COLEC12: variants seen among roughly 807,000 people sequenced by gnomAD.
The protein encoded by COLEC12 is collectin subfamily member 12.
Under a neutral mutation model 71.1 loss-of-function variants are expected in COLEC12, and 33 were observed. That is an observed-to-expected ratio of 0.46 (90% CI 0.35 to 0.62). The LOEUF (loss-of-function observed/expected upper bound fraction) is 0.62. Among genes scored for constraint, COLEC12 ranks in the 20% least tolerant of loss-of-function variants. The pLI, the probability that COLEC12 is intolerant of heterozygous loss-of-function variation, is 0.00. For missense variants in COLEC12, 765 were observed against 916.1 expected, an observed-to-expected ratio of 0.84 and a Z score of 2.13; for synonymous variants, 350 against 353.0, an observed-to-expected ratio of 0.99 and a Z score of 0.10.
At chr18:347,436 T>G in intron 4 of COLEC12, 95 bp from the exon 5 acceptor site, 1 of 1,009,864 alleles carries the variant, frequency 9.9e-7, no homozygotes, top group South Asian at 1.6e-5. Flanking sequence ...GTATGCACTG[T>G]ATTTTAGATG....
chr18:331,022 C>T lies in COLEC12; in HGVS notation c.2063+646G>A, dbSNP rs534404350. ...AGCCTCCCGAGTAGCTGGCATCACC[C>T]GCATGCGCCACCATATCCGGCTAAT... On this transcript the variant is annotated intron_variant, in intron 8 of 9. Transcript: ENST00000400256. Among the ~76,000 whole-genome samples the T allele has an allele frequency of 2.0e-4, 31 of 151,898 alleles. 1 individual carries two copies. The South Asian group carries it at 5.4e-3, about 27-fold the overall frequency.
intron 2 of COLEC12, among the ~76,000 whole-genome samples, chr18:460,570 T>A (rs1334565449): frequency 6.6e-6 from 1 of 152,214 alleles, no homozygotes. Flanking sequence ...ACATTGCGTG[T>A]GTTTTACAAA....
chr18:355,420 C>T lies in COLEC12; in HGVS notation c.181+1980G>A, dbSNP rs556094612. Among the ~76,000 whole-genome samples, 8 of 151,728 alleles carry T rather than the reference C, an allele frequency of 5.3e-5. No homozygotes were observed. The East Asian group carries it at 1.4e-3, about 26-fold the overall frequency. On this transcript the variant is annotated intron_variant, in intron 3 of 9. Transcript: ENST00000400256. ...TGCTGTGGGCAAATGGACCAGCACA[C>T]GCACAACACGCCAGAGCCAGGAAGG...
At position 357,043 on chromosome 18, in the gene COLEC12, G is replaced by A. The variant is rs932900023; in HGVS notation, c.181+357C>T. On this transcript the variant is annotated intron_variant, in intron 3 of 9. Coordinates refer to ENST00000400256, the MANE Select transcript of COLEC12 (RefSeq NM_130386.3). Reference sequence around the variant, plus strand: ...TATTCTCTGTCAATATAGTTTTCCTGTGTGCTGACTCCAGGGTTTCCATAA... The same window carrying A: ...TATTCTCTGTCAATATAGTTTTCCTATGTGCTGACTCCAGGGTTTCCATAA... Among the ~76,000 whole-genome samples, 18 of 152,090 alleles carry A rather than the reference G, an allele frequency of 1.2e-4. No individual in the cohort carries two copies. In the East Asian group the frequency reaches 3.5e-3, roughly 29 times the overall value.
chr18:457,316 G>C (rs1176856666), intron 2 of COLEC12, among the ~76,000 whole-genome samples: 2 of 152,184 alleles, frequency 1.3e-5, no homozygotes, highest in African/African-American at 4.8e-5. Context: ...CGCCGAAGGA[G>C]ATTCAGTTAC....
chr18:486,108 GAA>G (rs1465143451), intron 1 of COLEC12, among the ~76,000 whole-genome samples: 1 of 152,248 alleles, frequency 6.6e-6, no homozygotes, highest in Non-Finnish European at 1.5e-5. Flanking sequence ...CATGTTTGCA[GAA>G]GAGAGGAGAC....
At chr18:458,063 G>A (rs886629330) in intron 2 of COLEC12, among the ~76,000 whole-genome samples, 13 of 152,182 alleles carry the variant, frequency 8.5e-5, no homozygotes, top group Admixed American at 3.9e-4. Context: ...AAAAGTTCAG[G>A]CAAGAGGAGG....
At chr18:349,856 C>T (rs1246250416) in intron 3 of COLEC12, among the ~76,000 whole-genome samples, 2 of 152,218 alleles carry the variant, frequency 1.3e-5, no homozygotes, top group Non-Finnish European at 2.9e-5. Flanking sequence ...GCCAATTTCT[C>T]CCATTTGGAA....
chr18:379,246 C>T (rs1247018063), intron 2 of COLEC12, among the ~76,000 whole-genome samples: 1 of 152,078 alleles, frequency 6.6e-6, no homozygotes, highest in Non-Finnish European at 1.5e-5. Flanking sequence ...CCTCAGCCTC[C>T]CAAGTAGCTG....
intron 2 of COLEC12, among the ~76,000 whole-genome samples, chr18:430,399 A>G (rs1360540292): frequency 5.3e-5 from 8 of 152,136 alleles, no homozygotes; most frequent in Non-Finnish European, 8.8e-5. Context: ...CCATATCTAG[A>G]TAACTTTGCA....
intron 2 of COLEC12, among the ~76,000 whole-genome samples, chr18:435,562 G>A (rs988805851): frequency 1.3e-5 from 2 of 151,842 alleles, no homozygotes; most frequent in South Asian, 4.2e-4. Flanking sequence ...TTTGGGTGGG[G>A]ACACAGAGCC....
chr18:335,271 GTGAATGATAGTTATGAATAATTTTTCTTC>G, intron 5 of COLEC12, 41 bp from the exon 6 acceptor site: 1 of 1,546,284 alleles, frequency 6.5e-7, no homozygotes, highest in Non-Finnish European at 8.6e-7. Context: ...GAAATCCACT[GTGAATGATAGTTATGAATAATTTTTCTTC>G]TTATAAAATC....
At chr18:428,812 C>T (rs1279760703) in intron 2 of COLEC12, among the ~76,000 whole-genome samples, 2 of 151,960 alleles carry the variant, frequency 1.3e-5, no homozygotes, top group Admixed American at 6.6e-5. Context: ...TGTTTTTCTC[C>T]CTTTGGATTC....
chr18:330,956 T>G (rs887894278), intron 8 of COLEC12, among the ~76,000 whole-genome samples: 1 of 151,100 alleles, frequency 6.6e-6, no homozygotes, highest in Admixed American at 6.6e-5. Flanking sequence ...CTCGGCTTGC[T>G]ACAACCTCCG....
rs547774797 is a variant in COLEC12, at chr18:348,200, T to G, written c.182-37A>C. 1.5e-5 allele frequency: 18 copies of G among 1,229,140 alleles called. No homozygotes were observed. In the African/African-American group the frequency reaches 1.9e-4, roughly 13 times the overall value. The allele number at this position is 1,229,140 out of a possible 1,614,324, so 76.1% of individuals were successfully genotyped here. ...AAAATGATGCATTAGTATACATATCTGCTCATATTTTATTTTTCAGTTTCA... is the reference window on the plus strand; with the variant it reads ...AAAATGATGCATTAGTATACATATCGGCTCATATTTTATTTTTCAGTTTCA... On this transcript the variant is annotated intron_variant, in intron 3 of 9. Coordinates refer to ENST00000400256, the MANE Select transcript of COLEC12 (RefSeq NM_130386.3).
At chr18:355,055 C>G (rs867234272) in intron 3 of COLEC12, among the ~76,000 whole-genome samples, 11 of 151,046 alleles carry the variant, frequency 7.3e-5, no homozygotes, top group Middle Eastern at 3.4e-3. Flanking sequence ...ATGCATCCAT[C>G]CATCCATCCA....
At chr18:498,928 A>G (rs1917765300) in intron 1 of COLEC12, among the ~76,000 whole-genome samples, 1 of 152,206 alleles carries the variant, frequency 6.6e-6, no homozygotes, top group South Asian at 2.1e-4. Flanking sequence ...TTTACCCAGT[A>G]AAAAGCATAA....
At chr18:348,021 T>C (rs1240965898) in intron 4 of COLEC12, 44 bp downstream of exon 4, 5 of 1,278,780 alleles carry the variant, frequency 3.9e-6, no homozygotes, top group East Asian at 4.6e-5. Flanking sequence ...TGGTCATTTA[T>C]GTAGAGTCAG....
chr18:411,021 C>T lies in COLEC12; in HGVS notation c.59-53499G>A, dbSNP rs184291784. On this transcript the variant is annotated intron_variant, in intron 2 of 9. Coordinates refer to ENST00000400256, the MANE Select transcript of COLEC12 (RefSeq NM_130386.3). ...TAGAGTGACTGGATTTTTACTACTG[C>T]CTACCCATAATGGAGCCACCCCTAC... 4.0e-4 allele frequency among the ~76,000 whole-genome samples: 61 copies of T among 152,238 alleles called. No homozygotes were observed. In the East Asian group the frequency reaches 8.1e-3, roughly 20 times the overall value.
Sources: gnomAD v4.1 joint callset for allele counts (sites outside exome capture counted in the v4.1 genomes callset) on GRCh38, gnomAD v4.1.1 for gene constraint, MANE v1.5 for transcripts, NCBI Gene and HGNC (gene_info 2026-07-23, HGNC 2026-07-21) for gene names.